The following TEX264 variants were observed in gnomAD, a reference collection of about 807,000 sequenced individuals.
TEX264 encodes testis-expressed protein 264.
In TEX264, 13 loss-of-function variants were observed where a neutral mutation model predicts 23.4. The observed-to-expected ratio is 0.56, with a 90% CI of 0.36 to 0.88. The LOEUF is 0.88. Ranked by LOEUF, TEX264 falls within the 40% of genes least tolerant of loss-of-function variation. The pLI, the probability that TEX264 is intolerant of heterozygous loss-of-function variation, is 0.01. For missense variants in TEX264, 340 were observed against 406.8 expected (o/e 0.84, Z 1.41); for synonymous variants, 159 against 170.0 (o/e 0.94, Z 0.50).
chr3:51,684,276 G>C, intron 2 of TEX264, 137 bp from the exon 3 acceptor site: 1 of 734,842 alleles, frequency 1.4e-6, no homozygotes, highest in Non-Finnish European at 2.2e-6. Flanking sequence ...AGCTAGCTGT[G>C]TCCTGGTATC....
intron 2 of TEX264, among the ~76,000 whole-genome samples, chr3:51,675,652 G>A (rs1370636221): frequency 6.6e-6 from 1 of 152,196 alleles, no homozygotes; most frequent in African/African-American, 2.4e-5. Context: ...ACTTTGAGCT[G>A]TAGGTTCAGG....
rs118009003 is a variant in TEX264, at chr3:51,675,229, G to A, written c.258+667G>A. On this transcript the variant is annotated intron_variant, in intron 2 of 4. Coordinates refer to ENST00000341333, the MANE Select transcript of TEX264 (RefSeq NM_015926.6). Reference sequence around the variant, plus strand: ...CCAGCATCACTAGCACCCTGTGAGCGTCTGGCTGTTCTTACAACCTATGGT... The same window carrying A: ...CCAGCATCACTAGCACCCTGTGAGCATCTGGCTGTTCTTACAACCTATGGT... Among the ~76,000 whole-genome samples the A allele has an allele frequency of 1.3e-3, 197 of 152,316 alleles. 6 individuals are homozygous for A. In the East Asian group the frequency reaches 0.027, roughly 21 times the overall value.
intron 3 of TEX264, among the ~76,000 whole-genome samples, chr3:51,690,826 T>C (rs895712715): frequency 1.3e-5 from 2 of 152,156 alleles, no homozygotes; most frequent in Non-Finnish European, 2.9e-5. Context: ...GCATCCCCAT[T>C]GTTTTACAGA....
chr3:51,697,125 C>T (rs553307760), intron 3 of TEX264, among the ~76,000 whole-genome samples: 6 of 152,330 alleles, frequency 3.9e-5, no homozygotes, highest in African/African-American at 1.4e-4. Flanking sequence ...ATGCAGTTTC[C>T]ATGGCAACGG....
Position 51,698,358 on chromosome 3 carries a change from G to A in TEX264, c.481-1048G>A, listed in dbSNP as rs907570214. Among the ~76,000 whole-genome samples the A allele has an allele frequency of 6.6e-5, 10 of 152,304 alleles. 1 individual carries two copies. The highest frequency in any genetic ancestry group is 6.5e-4 in the Admixed American group (10 of 15,298). On this transcript the variant is annotated intron_variant, in intron 3 of 4. Transcript: ENST00000341333. ...TTTCAGAGCTCATGGTGAGAGCGGG[G>A]CGAATGCTATAAATAGTCGTGTTGT...
Position 51,691,193 on chromosome 3 carries a change from G to C in TEX264, c.480+6559G>C, listed in dbSNP as rs1469741904. Among the ~76,000 whole-genome samples, 13 of 152,202 alleles carry C rather than the reference G, an allele frequency of 8.5e-5. No homozygotes were observed. The highest frequency in any genetic ancestry group is 1.5e-5 in the Non-Finnish European group (1 of 68,034). On this transcript the variant is annotated intron_variant, in intron 3 of 4. Coordinates refer to ENST00000341333, the MANE Select transcript of TEX264 (RefSeq NM_015926.6). This position sits in a 1 kb window ranked among gnomAD's most constrained non-coding sequence, Gnocchi z 4.4. Reference sequence around the variant, plus strand: ...AGGCACTCATTAAGGCAGGCCTTGGGAACTGCTCTGGGCACAGGAAGCAGC... The same window carrying C: ...AGGCACTCATTAAGGCAGGCCTTGGCAACTGCTCTGGGCACAGGAAGCAGC...
chr3:51,699,737 T>A (rs1315396300), intron 4 of TEX264, among the ~76,000 whole-genome samples, 163 bp downstream of exon 4: 2 of 152,102 alleles, frequency 1.3e-5, no homozygotes, highest in Non-Finnish European at 2.9e-5. Context: ...AGGACCCACA[T>A]GTGGAGTTGC....
intron 3 of TEX264, among the ~76,000 whole-genome samples, chr3:51,693,987 T>TTCCTTCC (rs1702928749): frequency 1.3e-5 from 1 of 77,692 alleles, no homozygotes; most frequent in Admixed American, 1.5e-4. Flanking sequence ...AATCCCTTTC[T>TTCCTTCC]TTCCTTCCTT....
chr3:51,699,101 A>T (rs1703181330), intron 3 of TEX264, among the ~76,000 whole-genome samples: 3 of 152,038 alleles, frequency 2.0e-5, no homozygotes, highest in South Asian at 4.2e-4. Flanking sequence ...TGCCTTCTGG[A>T]ACAGCTTTTT....
At chr3:51,672,251 C>T (rs924795932) in intron 1 of TEX264, 1 of 152,182 alleles carries the variant, frequency 6.6e-6, no homozygotes, top group African/African-American at 2.4e-5. Flanking sequence ...AGCGCTCGGC[C>T]CCTGCCGCAC....
At chr3:51,693,504 G>A (rs748650093) in intron 3 of TEX264, among the ~76,000 whole-genome samples, 1 of 135,784 alleles carries the variant, frequency 7.4e-6, no homozygotes, top group Non-Finnish European at 1.5e-5. Flanking sequence ...TTTTGAGACA[G>A]AGTCTCATTC....
intron 2 of TEX264, chr3:51,682,870 T>A (rs1702484555): frequency 6.6e-6 from 1 of 152,130 alleles, no homozygotes; most frequent in African/African-American, 2.4e-5. Context: ...AGGGTCTGCT[T>A]AGAAGTGAGA....
At position 51,674,440 on chromosome 3, in the gene TEX264, G is replaced by A. The variant is rs1233425655; in HGVS notation, c.136G>A (p.Val46Ile). The change falls in exon 2 of 5, where the codon GTC becomes ATC. Residue 46 changes from valine to isoleucine, a missense_variant. Physicochemically the swap from Val to Ile is conservative, Grantham distance 29 (BLOSUM62 3). Transcript: ENST00000341333. ...VSAGSPPIRN[V>I]TVAYKFHMGL... is the part of the protein sequence containing the mutation. ...TGCTGGGTCACCCCCCATCCGCAAC[G>A]TCACTGTGGCCTACAAGTTCCACAT... is the stretch of plus-strand genomic sequence containing the variant. The A allele has an allele frequency of 1.1e-5, 18 of 1,614,086 alleles. No homozygotes were observed. The highest frequency in any genetic ancestry group is 1.4e-5 in the Non-Finnish European group (17 of 1,180,040).
chr3:51,681,483 G>C (rs996420396), intron 2 of TEX264: 4 of 152,394 alleles, frequency 2.6e-5, no homozygotes, highest in African/African-American at 9.6e-5. Flanking sequence ...GCAACAGAAG[G>C]CTTTGAAGGG....
chr3:51,701,072 T>C (rs1190151000), intron 4 of TEX264, among the ~76,000 whole-genome samples: 1 of 152,198 alleles, frequency 6.6e-6, no homozygotes, highest in Non-Finnish European at 1.5e-5. Flanking sequence ...ATTACATTGA[T>C]GTATTATTTA....
chr3:51,685,591 G>C (rs1702594727), intron 3 of TEX264, among the ~76,000 whole-genome samples: 1 of 152,250 alleles, frequency 6.6e-6, no homozygotes, highest in Non-Finnish European at 1.5e-5. Context: ...TTAGAGAGGA[G>C]ATAAGAACTT....
At chr3:51,690,019 C>A (rs928392793) in intron 3 of TEX264, among the ~76,000 whole-genome samples, 1 of 152,204 alleles carries the variant, frequency 6.6e-6, no homozygotes, top group Non-Finnish European at 1.5e-5. Context: ...TGGGCCCCAG[C>A]AGATTGCCTG....
At chr3:51,678,167 G>C (rs1050494567) in intron 2 of TEX264, among the ~76,000 whole-genome samples, 1 of 152,206 alleles carries the variant, frequency 6.6e-6, no homozygotes, top group African/African-American at 2.4e-5. Flanking sequence ...CTTTAGCCCT[G>C]CTTCTGCGGT....
At chr3:51,701,782 C>T (rs1280287980) in intron 4 of TEX264, among the ~76,000 whole-genome samples, 1 of 152,202 alleles carries the variant, frequency 6.6e-6, no homozygotes, top group Non-Finnish European at 1.5e-5. Flanking sequence ...CAGGTGCCTG[C>T]CACCATGCCC....
Sources: allele counts gnomAD v4.1 joint callset (sites outside exome capture counted in the v4.1 genomes callset), GRCh38; gene constraint gnomAD v4.1.1; non-coding constraint Gnocchi (gnomAD v3.1); transcripts MANE v1.5; gene names NCBI Gene and HGNC (gene_info 2026-07-23, HGNC 2026-07-21).